The following PGM2 variants were observed in gnomAD, a reference collection of about 807,000 sequenced individuals.
The protein encoded by PGM2 is phosphopentomutase.
Under a neutral mutation model 74.6 loss-of-function variants are expected in PGM2, and 57 were observed. That is an observed-to-expected ratio of 0.76 (90% CI 0.62 to 0.95). The LOEUF is 0.95. PGM2 is among the 40% of genes least tolerant of loss of function. PGM2 has a pLI of 0.00. For missense variants in PGM2, 706 were observed against 741.9 expected (o/e 0.95, Z 0.56); for synonymous variants, 273 against 260.7 (o/e 1.05, Z -0.46).
chr4:37,826,699 T>A lies in PGM2; in HGVS notation c.-34T>A. 6.6e-7 allele frequency: 1 copy of A among 1,513,666 alleles called. No individual in the cohort carries two copies. The highest frequency in any genetic ancestry group is 2.0e-5 in the Admixed American group (1 of 50,938). 93.8% of individuals were successfully genotyped at this position (1,513,666 alleles called of 1,614,324 possible). On this transcript the variant is annotated 5_prime_UTR_variant, in exon 1 of 14. Transcript: ENST00000381967. The stretch of plus-strand genomic sequence containing the variant: ...GGGCCGGAAGGCAGATCTCACCGCC[T>A]GCTTCCCTCTGCAGCGGTAGCACAA...
At chr4:37,842,763 G>C (rs1447293948) in intron 6 of PGM2, among the ~76,000 whole-genome samples, 3 of 151,908 alleles carry the variant, frequency 2.0e-5, no homozygotes, top group African/African-American at 7.3e-5. Flanking sequence ...CAGATTCAGG[G>C]AATGCTCCTG....
intron 2 of PGM2, among the ~76,000 whole-genome samples, chr4:37,833,586 A>G (rs1371576330): frequency 6.6e-6 from 1 of 152,168 alleles, no homozygotes. Context: ...GTATATTTTA[A>G]TAAGACTTCC....
chr4:37,829,900 T>C (rs1161591702), intron 1 of PGM2, 64 bp from the exon 2 acceptor site: 6 of 908,018 alleles, frequency 6.6e-6, no homozygotes, highest in Non-Finnish European at 9.8e-6. Flanking sequence ...TGATTGTGAA[T>C]TTTTTTACAT....
chr4:37,834,301 A>G (rs1725508302), intron 2 of PGM2, among the ~76,000 whole-genome samples: 1 of 151,964 alleles, frequency 6.6e-6, no homozygotes, highest in Non-Finnish European at 1.5e-5. Flanking sequence ...GTGCCATTGC[A>G]ACTCCAGCCT....
chr4:37,853,999 C>G (rs1043508540), intron 12 of PGM2, among the ~76,000 whole-genome samples: 2 of 152,204 alleles, frequency 1.3e-5, no homozygotes, highest in South Asian at 2.1e-4. Flanking sequence ...TTTGCAGTAC[C>G]TGGTGCCTCT....
intron 4 of PGM2, 148 bp downstream of exon 4, chr4:37,837,761 G>T: frequency 3.1e-6 from 2 of 636,198 alleles, no homozygotes; most frequent in African/African-American, 1.8e-5. Context: ...CTTCTCTCCT[G>T]GAATGTTTCT....
chr4:37,851,726 A>G (rs1726044125), intron 12 of PGM2, among the ~76,000 whole-genome samples: 1 of 152,146 alleles, frequency 6.6e-6, no homozygotes, highest in African/African-American at 2.4e-5. Context: ...TACCAGTTTT[A>G]CAATTTGTTG....
intron 13 of PGM2, among the ~76,000 whole-genome samples, chr4:37,859,308 G>T (rs1427464620): frequency 6.6e-6 from 1 of 152,080 alleles, no homozygotes; most frequent in Non-Finnish European, 1.5e-5. Flanking sequence ...ATGGTACTAG[G>T]CAGGTTTCCA....
chr4:37,854,763 T>G (rs895461717), intron 12 of PGM2, among the ~76,000 whole-genome samples: 4 of 152,108 alleles, frequency 2.6e-5, no homozygotes, highest in South Asian at 4.1e-4. Flanking sequence ...AGGTTTTTTT[T>G]TGTGGTGTAT....
Position 37,855,539 on chromosome 4 carries a change from T to G in PGM2, c.1603-69T>G, listed in dbSNP as rs192200983. Reference sequence around the variant, plus strand: ...TGTTTGGCATTTATTTTCTTACTTATGCAAGAGAAGATATTGGTTAGGCCA... The same window carrying G: ...TGTTTGGCATTTATTTTCTTACTTAGGCAAGAGAAGATATTGGTTAGGCCA... On this transcript the variant is annotated intron_variant, in intron 12 of 13. Transcript: ENST00000381967. 60 of 1,362,302 alleles carry G rather than the reference T, an allele frequency of 4.4e-5. No individual in the cohort carries two copies. The East Asian group carries it at 1.1e-3, about 25-fold the overall frequency. 84.4% of individuals were successfully genotyped at this position (1,362,302 alleles called of 1,614,324 possible). A position where few individuals can be genotyped will look rare whatever the true frequency, so the allele number is the denominator to read the frequency against.
chr4:37,850,088 A>G lies in PGM2; in HGVS notation c.1413-96A>G, dbSNP rs979216722. On this transcript the variant is annotated intron_variant, in intron 11 of 13. Transcript: ENST00000381967. Reference sequence around the variant, plus strand: ...CAGGCGTGACCCACCACACCCAGCCATATTTATTTTAGAATACACTGGTTG... The same window carrying G: ...CAGGCGTGACCCACCACACCCAGCCGTATTTATTTTAGAATACACTGGTTG... The G allele has an allele frequency of 3.3e-5, 23 of 694,976 alleles. No homozygotes were observed. The Admixed American group carries it at 3.9e-4, about 12-fold the overall frequency. The allele number at this position is 694,976 out of a possible 1,614,324, so 43.1% of individuals were successfully genotyped here.
chr4:37,844,215 A>ATG (rs1434571916), intron 6 of PGM2, 149 bp from the exon 7 acceptor site: 1 of 547,296 alleles, frequency 1.8e-6, no homozygotes. Context: ...GGGAAGGAAT[A>ATG]TATATATCTG....
chr4:37,848,961 T>C (rs1206719466), intron 11 of PGM2, among the ~76,000 whole-genome samples: 2 of 151,198 alleles, frequency 1.3e-5, no homozygotes, highest in African/African-American at 2.4e-5. Context: ...TCCCAGCTAC[T>C]CAGGAGGCTG....
rs866258992 is a variant in PGM2 at position 37,849,025 on chromosome 4, G to A, written c.1412+374G>A. ...GCAGAGGTTGCAGTGAGCCGAGATCGCGCCATTGCACTCCAGCCTGGGTGA... is the reference window on the plus strand; with the variant it reads ...GCAGAGGTTGCAGTGAGCCGAGATCACGCCATTGCACTCCAGCCTGGGTGA... On this transcript the variant is annotated intron_variant, in intron 11 of 13. Transcript: ENST00000381967. Among the ~76,000 whole-genome samples the A allele has an allele frequency of 2.7e-5, 4 of 150,066 alleles. No homozygotes were observed. The South Asian group carries it at 6.3e-4, about 24-fold the overall frequency.
chr4:37,841,188 GGT>G (rs1383599399), intron 6 of PGM2, among the ~76,000 whole-genome samples: 10 of 141,252 alleles, frequency 7.1e-5, no homozygotes, highest in African/African-American at 2.2e-4. Flanking sequence ...GTGTGTGTGT[GGT>G]TTGTTCTGTG....
At chr4:37,831,755 C>T (rs1024728744) in intron 2 of PGM2, among the ~76,000 whole-genome samples, 2 of 152,104 alleles carry the variant, frequency 1.3e-5, no homozygotes, top group Non-Finnish European at 2.9e-5. Context: ...CTACCGTATT[C>T]GGTTTGTTAA....
intron 12 of PGM2, among the ~76,000 whole-genome samples, chr4:37,854,539 CG>C (rs768624428): frequency 9.2e-5 from 14 of 151,974 alleles, no homozygotes; most frequent in Non-Finnish European, 2.1e-4. Flanking sequence ...TTAGTAGAGA[CG>C]GGGTTTTGCC....
rs371356653 is a variant in PGM2, at chr4:37,844,496, G to A, written c.852G>A (p.Pro284=). 3.6e-5 allele frequency: 58 copies of A among 1,613,728 alleles called. No homozygotes were observed. Among genetic ancestry groups the A allele is most frequent in the Admixed American group, 5.0e-5 (3 of 59,990 alleles). Residue 284 remains proline, a synonymous_variant, in exon 7 of 14, where the codon CCG becomes CCA. Transcript: ENST00000381967. ...PPEAVPEQKD[P]DPEFPTVKYP... ...AGGCTGTTCCTGAACAGAAAGATCCGGATCCTGAGTTTCCAACAGTGAAAT... is the reference window on the plus strand; with the variant it reads ...AGGCTGTTCCTGAACAGAAAGATCCAGATCCTGAGTTTCCAACAGTGAAAT...
At chr4:37,829,598 T>G (rs1386174157) in intron 1 of PGM2, among the ~76,000 whole-genome samples, 2 of 152,100 alleles carry the variant, frequency 1.3e-5, no homozygotes, top group Non-Finnish European at 2.9e-5. Context: ...GTAAGGGAGG[T>G]TCTAGATTAT....
Sources: allele counts gnomAD v4.1 joint callset (sites outside exome capture counted in the v4.1 genomes callset), GRCh38; gene constraint gnomAD v4.1.1; transcripts MANE v1.5; gene names NCBI Gene and HGNC (gene_info 2026-07-23, HGNC 2026-07-21).